The following DEFB112 variants were observed in gnomAD, a reference collection of about 807,000 sequenced individuals.
DEFB112 encodes the protein defensin beta 112.
DEFB112 carries 2 observed loss-of-function variants against 1.1 expected under a neutral mutation model. The observed-to-expected ratio is 1.85, with a 90% CI of 0.76 to 5.83. DEFB112 has a LOEUF of 5.83. Among genes scored for constraint, DEFB112 ranks in the 30% most tolerant of loss-of-function variants. The pLI, the probability that DEFB112 is intolerant of heterozygous loss-of-function variation, is 0.05. For missense variants in DEFB112, 120 were observed against 94.4 expected, an observed-to-expected ratio of 1.27 and a Z score of -1.12; for synonymous variants, 40 against 31.2, an observed-to-expected ratio of 1.28 and a Z score of -0.93.
At chr6:50,046,851 C>T (rs1258424664) in intron 1 of DEFB112, among the ~76,000 whole-genome samples, 1 of 152,112 alleles carries the variant, frequency 6.6e-6, no homozygotes, top group Admixed American at 6.6e-5. Context: ...CCTTTAAAGG[C>T]TATGGGTCCT....
At position 50,043,488 on chromosome 6, in the gene DEFB112, T is replaced by A; in HGVS notation, c.*87A>T. ...ATTATTTATTCATTATAGGTATGCA[T>A]GCATGGAAATTATAGGTCATTAATG... On this transcript the variant is annotated 3_prime_UTR_variant, in exon 2 of 2. Transcript: ENST00000651554. 1.1e-6 allele frequency: 1 copy of A among 899,814 alleles called. No homozygotes were observed. Among genetic ancestry groups the A allele is most frequent in the Non-Finnish European group, 1.8e-6 (1 of 563,960 alleles). The allele number at this position is 899,814 out of a possible 1,614,324, so 55.7% of individuals were successfully genotyped here.
chr6:50,047,187 C>A (rs192285541), intron 1 of DEFB112, among the ~76,000 whole-genome samples: 1 of 152,306 alleles, frequency 6.6e-6, no homozygotes, highest in African/African-American at 2.4e-5. Flanking sequence ...CCTGGAGGGG[C>A]AGTGAGCTGA....
At chr6:50,049,581 A>G (rs1774893366) in intron 1 of DEFB112, among the ~76,000 whole-genome samples, 1 of 152,132 alleles carries the variant, frequency 6.6e-6, no homozygotes, top group African/African-American at 2.4e-5. Flanking sequence ...ACATATATGC[A>G]TATATATGAA....
intron 1 of DEFB112, among the ~76,000 whole-genome samples, chr6:50,045,356 C>T (rs984443852): frequency 6.6e-6 from 1 of 151,980 alleles, no homozygotes; most frequent in East Asian, 1.9e-4. Flanking sequence ...TTACTAGAAG[C>T]TTCACACCCT....
At chr6:50,047,121 A>G (rs1038436701) in intron 1 of DEFB112, among the ~76,000 whole-genome samples, 12 of 152,178 alleles carry the variant, frequency 7.9e-5, no homozygotes, top group African/African-American at 2.9e-4. Flanking sequence ...GAGTGTGATT[A>G]TTGGGCCTAG....
intron 1 of DEFB112, among the ~76,000 whole-genome samples, chr6:50,045,674 A>G (rs937896002): frequency 1.3e-5 from 2 of 152,292 alleles, no homozygotes; most frequent in East Asian, 3.9e-4. Flanking sequence ...CATAAACTGT[A>G]CTTACACAAA....
At chr6:50,048,427 A>G (rs963660835) in intron 1 of DEFB112, 3 of 868,918 alleles carry the variant, frequency 3.5e-6, no homozygotes, top group African/African-American at 3.4e-5. Flanking sequence ...ACAAGAACAT[A>G]TAAGTAAACA....
chr6:50,048,147 C>CA (rs1309539790), intron 1 of DEFB112, among the ~76,000 whole-genome samples: 8,927 of 127,352 alleles, frequency 0.07, 823 homozygotes, highest in African/African-American at 0.23. Context: ...AACTCCGTCT[C>CA]AAAAAAAAAA....
At chr6:50,046,148 C>A (rs1308448093) in intron 1 of DEFB112, among the ~76,000 whole-genome samples, 1 of 151,592 alleles carries the variant, frequency 6.6e-6, no homozygotes, top group Non-Finnish European at 1.5e-5. Flanking sequence ...GTATTAAATC[C>A]ACTTTCAATT....
intron 1 of DEFB112, chr6:50,048,796 T>C: frequency 3.4e-6 from 2 of 591,054 alleles, no homozygotes; most frequent in South Asian, 4.7e-5. Context: ...TTTTACAAAA[T>C]GATAAACATA....
intron 1 of DEFB112, among the ~76,000 whole-genome samples, chr6:50,048,291 A>T (rs1774868559): frequency 6.6e-6 from 1 of 152,212 alleles, no homozygotes; most frequent in South Asian, 2.1e-4. Flanking sequence ...TTCTTCATGG[A>T]AATGATAAAA....
intron 1 of DEFB112, among the ~76,000 whole-genome samples, chr6:50,048,867 C>T (rs934888755): frequency 2.0e-5 from 3 of 152,088 alleles, no homozygotes; most frequent in African/African-American, 7.2e-5. Context: ...AATAAGTTCA[C>T]CTTGCATGGC....
intron 1 of DEFB112, among the ~76,000 whole-genome samples, chr6:50,046,968 ACAGGTC>A (rs1447504374): frequency 6.6e-6 from 1 of 152,184 alleles, no homozygotes; most frequent in Non-Finnish European, 1.5e-5. Context: ...GGCTGAGTCC[ACAGGTC>A]CTTCCCTGAT....
chr6:50,043,385 C>A lies in DEFB112; in HGVS notation c.*190G>T, dbSNP rs1561998714. 6.6e-6 allele frequency among the ~76,000 whole-genome samples: 1 copy of A among 151,970 alleles called. No homozygotes were observed. The highest frequency in any genetic ancestry group is 1.5e-5 in the Non-Finnish European group (1 of 67,968). On this transcript the variant is annotated 3_prime_UTR_variant, in exon 2 of 2. Coordinates refer to ENST00000651554, the MANE Select transcript of DEFB112 (RefSeq NM_001369057.2). ...CTGCTTCTATTCCAGAGTTCAAATC[C>A]CTGCTTTGTATTCTGATTCTTTCTT...
rs114894844 is a variant in DEFB112, at chr6:50,049,454, T to A, written c.58+358A>T. On this transcript the variant is annotated intron_variant, in intron 1 of 1. Coordinates refer to ENST00000651554, the MANE Select transcript of DEFB112 (RefSeq NM_001369057.2). ...ATGATTTCCAAGCATAATTCATAAC[T>A]TTCCCAGTTTTTTCTAATCTATTAA... Among the ~76,000 whole-genome samples, 1,341 of 152,240 alleles carry A rather than the reference T, an allele frequency of 8.8e-3. 14 individuals carry two copies. Among genetic ancestry groups the A allele is most frequent in the African/African-American group, 0.028 (1,149 of 41,546 alleles).
chr6:50,047,465 A>G (rs1238057763), intron 1 of DEFB112, among the ~76,000 whole-genome samples: 2 of 152,122 alleles, frequency 1.3e-5, no homozygotes, highest in Non-Finnish European at 2.9e-5. Flanking sequence ...ATGTGACACT[A>G]TCTTTCCTAC....
At chr6:50,047,912 G>C (rs367785953) in intron 1 of DEFB112, among the ~76,000 whole-genome samples, 1 of 152,066 alleles carries the variant, frequency 6.6e-6, no homozygotes, top group Non-Finnish European at 1.5e-5. Context: ...TTGGGAGGCC[G>C]TGGCAGGTAG....
In DEFB112 at chr6:50,043,244, A is replaced by G. The variant is rs1469382860; in HGVS notation, c.*331T>C. On this transcript the variant is annotated 3_prime_UTR_variant, in exon 2 of 2. Coordinates refer to ENST00000651554, the MANE Select transcript of DEFB112 (RefSeq NM_001369057.2). The stretch of plus-strand genomic sequence containing the variant: ...TGTCCCCACTCCTGAGTCTCCTCAA[A>G]GAATTCTTGATAATACCTCACTAAT... 6.6e-6 allele frequency among the ~76,000 whole-genome samples: 1 copy of G among 151,996 alleles called. No homozygotes were observed. Among genetic ancestry groups the G allele is most frequent in the East Asian group, 1.9e-4 (1 of 5,176 alleles).
Position 50,043,501 on chromosome 6 carries a change from T to A in DEFB112, c.*74A>T. 9.0e-7 allele frequency: 1 copy of A among 1,107,084 alleles called. No homozygotes were observed. The highest frequency in any genetic ancestry group is 1.3e-5 in the South Asian group (1 of 74,758). The allele number at this position is 1,107,084 out of a possible 1,614,324, so 68.6% of individuals were successfully genotyped here. ...TATAGGTATGCATGCATGGAAATTATAGGTCATTAATGAAGTGATGAAATA... is the reference window on the plus strand; with the variant it reads ...TATAGGTATGCATGCATGGAAATTAAAGGTCATTAATGAAGTGATGAAATA... On this transcript the variant is annotated 3_prime_UTR_variant, in exon 2 of 2. Coordinates refer to ENST00000651554, the MANE Select transcript of DEFB112 (RefSeq NM_001369057.2).
Sources: gnomAD v4.1 joint callset for allele counts (sites outside exome capture counted in the v4.1 genomes callset) on GRCh38, gnomAD v4.1.1 for gene constraint, MANE v1.5 for transcripts, NCBI Gene and HGNC (gene_info 2026-07-23, HGNC 2026-07-21) for gene names.